Variants in MYO15B observed in about 807,000 individuals in gnomAD.
MYO15B encodes the protein myosin XVB.
Under a neutral mutation model 119.3 loss-of-function variants are expected in MYO15B, and 207 were observed. The ratio of observed to expected loss-of-function variants is 1.73; its 90% CI spans 1.55 to 1.95. MYO15B has a LOEUF of 1.95. Ranked by LOEUF, MYO15B falls within the 30% of genes most tolerant of loss-of-function variation. The pLI, the probability that MYO15B is intolerant of heterozygous loss-of-function variation, is 0.00. For missense variants in MYO15B, 2,264 were observed against 1,203.1 expected (o/e 1.88, Z -13.04); for synonymous variants, 966 against 498.9 (o/e 1.94, Z -12.48).
exon 62 of MYO15B, chr17:75,625,956 C>T (rs2059024904): frequency 1.4e-5 from 10 of 702,328 alleles, no homozygotes; most frequent in Middle Eastern, 2.3e-4. Flanking sequence ...AGCATCTCAT[C>T]CTCATGGACC....
exon 48 of MYO15B, chr17:75,620,256 A>G (rs931465313): frequency 1.6e-5 from 11 of 702,752 alleles, no homozygotes; most frequent in Non-Finnish European, 2.6e-5. Context: ...GACTCCGGCT[A>G]TGTCATCGCC....
At chr17:75,614,556 C>A in intron 30 of MYO15B, 27 bp from the exon 31 acceptor site, 1 of 699,944 alleles carries the variant, frequency 1.4e-6, no homozygotes, top group South Asian at 1.5e-5. Context: ...CTTGGCCACC[C>A]CCTTAGCTGG....
chr17:75,617,785 C>A, intron 41 of MYO15B, 25 bp from the exon 42 acceptor site: 2 of 693,058 alleles, frequency 2.9e-6, no homozygotes, highest in South Asian at 1.5e-5. Context: ...CTCACTGAGG[C>A]TCCTCACCCC....
chr17:75,601,839 G>A (rs534076026), intron 15 of MYO15B, among the ~76,000 whole-genome samples: 2 of 152,328 alleles, frequency 1.3e-5, no homozygotes, highest in South Asian at 2.1e-4. Context: ...AGTTTACTTC[G>A]CCTTCTGAGC....
chr17:75,610,997 T>A lies in MYO15B; in HGVS notation c.4446+38T>A, dbSNP rs1478859062. 5.7e-6 allele frequency: 4 copies of A among 702,692 alleles called. No individual in the cohort carries two copies. The Admixed American group carries it at 8.0e-5, about 14-fold the overall frequency. The allele number at this position is 702,692 out of a possible 1,614,324, so 43.5% of individuals were successfully genotyped here. On this transcript the variant is annotated intron_variant, in intron 23 of 63. Transcript: ENST00000645453. ...GAAAGTGGGGGGTTTTACATGGGGC[T>A]ATGAACCTGCTGAGACTGGGACAGC...
At position 75,622,000 on chromosome 17, in the gene MYO15B, G is replaced by A. The variant is rs774995896; in HGVS notation, c.8006-4G>A. The A allele has an allele frequency of 5.0e-5, 35 of 702,966 alleles. 1 individual carries two copies. In the South Asian group the frequency reaches 5.0e-4, roughly 10 times the overall value. 43.5% of individuals were successfully genotyped at this position (702,966 alleles called of 1,614,324 possible). A position where few individuals can be genotyped will look rare whatever the true frequency, so the allele number is the denominator to read the frequency against. ...ATGTGCCCTGTTTCTTATCGTGCCTGCAGCCCTGATGCGGTTTATGGGTGA... is the reference window on the plus strand; with the variant it reads ...ATGTGCCCTGTTTCTTATCGTGCCTACAGCCCTGATGCGGTTTATGGGTGA... On this transcript the variant is annotated splice_polypyrimidine_tract_variant and splice_region_variant and intron_variant, in intron 52 of 63. Transcript: ENST00000645453.
intron 14 of MYO15B, among the ~76,000 whole-genome samples, chr17:75,597,436 C>T (rs555703376): frequency 1.3e-5 from 2 of 152,304 alleles, no homozygotes; most frequent in East Asian, 1.9e-4. Flanking sequence ...CTCCTTACCG[C>T]GCCAGACTGG....
At chr17:75,599,375 C>T (rs12449724) in intron 14 of MYO15B, among the ~76,000 whole-genome samples, 88,929 of 151,710 alleles carry the variant, frequency 0.59, 27,794 homozygotes, top group East Asian at 0.77. Context: ...CGCGGGTTGA[C>T]GCCATTCTAC....
At chr17:75,596,248 G>A (rs375876959) in intron 12 of MYO15B, 1 of 578,666 alleles carries the variant, frequency 1.7e-6, no homozygotes. Flanking sequence ...TGCAGCAGAG[G>A]GCAGGGGTGT....
exon 64 of MYO15B, chr17:75,626,701 C>T (rs541851041): frequency 8.9e-5 from 51 of 576,264 alleles, no homozygotes; most frequent in African/African-American, 7.3e-4. Flanking sequence ...GGGGCCAAAG[C>T]GGGCTGCAGG....
intron 15 of MYO15B, 126 bp downstream of exon 15, chr17:75,601,689 C>G (rs1598770073): frequency 3.2e-6 from 2 of 626,936 alleles, no homozygotes; most frequent in Middle Eastern, 3.8e-4. Flanking sequence ...ACACCTGTCC[C>G]TACCTGAGCC....
At chr17:75,608,549 G>A (rs1044010129) in intron 21 of MYO15B, among the ~76,000 whole-genome samples, 1 of 151,694 alleles carries the variant, frequency 6.6e-6, no homozygotes, top group Non-Finnish European at 1.5e-5. Context: ...GCTGAGGCAC[G>A]AGAATCACTT....
intron 28 of MYO15B, 56 bp downstream of exon 28, chr17:75,613,527 C>T: frequency 7.6e-6 from 5 of 655,076 alleles, no homozygotes; most frequent in Non-Finnish European, 1.4e-5. Context: ...CAGCCCTACC[C>T]CTTTGCCCTC....
At chr17:75,607,919 G>T (rs557421196) in intron 21 of MYO15B, among the ~76,000 whole-genome samples, 2 of 152,182 alleles carry the variant, frequency 1.3e-5, no homozygotes, top group South Asian at 2.1e-4. Context: ...AATGTACAAG[G>T]GTTCCAGTTT....
At chr17:75,608,502 C>T (rs2057796579) in intron 21 of MYO15B, among the ~76,000 whole-genome samples, 2 of 151,912 alleles carry the variant, frequency 1.3e-5, no homozygotes, top group Admixed American at 1.3e-4. Context: ...AGTTGGAGTG[C>T]AGCTGGGTCA....
rs927272854 is a variant in MYO15B at position 75,624,514 on chromosome 17, C to T, written c.8446-29C>T. 6 of 702,938 alleles carry T rather than the reference C, an allele frequency of 8.5e-6. No individual in the cohort carries two copies. The African/African-American group carries it at 8.7e-5, about 10-fold the overall frequency. 43.5% of individuals were successfully genotyped at this position (702,938 alleles called of 1,614,324 possible). ...GTTCTGGGTCCCCCAGCCTCCCTCC[C>T]CCTCATCACAGTCTGTCCACATGCC... On this transcript the variant is annotated intron_variant, in intron 57 of 63. Transcript: ENST00000645453.
chr17:75,626,090 C>G (rs1473079735), exon 63 of MYO15B: 1 of 702,848 alleles, frequency 1.4e-6, no homozygotes, highest in Admixed American at 2.0e-5. Flanking sequence ...GCCCCCAGAG[C>G]CTGTACTGCC....
intron 53 of MYO15B, among the ~76,000 whole-genome samples, 199 bp downstream of exon 53, chr17:75,622,279 G>A (rs893681068): frequency 6.6e-6 from 1 of 152,260 alleles, no homozygotes; most frequent in African/African-American, 2.4e-5. Context: ...TTATGTGTCT[G>A]GGAGTGAGAG....
intron 61 of MYO15B, 32 bp downstream of exon 61, chr17:75,625,692 G>A (rs1419486480): frequency 1.7e-5 from 12 of 702,332 alleles, no homozygotes; most frequent in Non-Finnish European, 3.1e-5. Flanking sequence ...CGCTGGGTGG[G>A]GGCTGGAGGC....
Sources: gnomAD v4.1 joint callset for allele counts (sites outside exome capture counted in the v4.1 genomes callset) on GRCh38, gnomAD v4.1.1 for gene constraint, MANE v1.5 for transcripts, NCBI Gene and HGNC (gene_info 2026-07-23, HGNC 2026-07-21) for gene names.